Variants in SYT16 observed in about 807,000 individuals in gnomAD.
The protein encoded by SYT16 is synaptotagmin-16.
A neutral mutation model predicts 61.4 loss-of-function variants in SYT16; 42 were observed. That is an observed-to-expected ratio of 0.68 (90% CI 0.53 to 0.89). SYT16 has a LOEUF of 0.89. Among genes scored for constraint, SYT16 ranks in the 40% least tolerant of loss-of-function variants. The probability of loss-of-function intolerance (pLI) is 0.00; values close to 1 mark genes in which losing one functional copy is unlikely to be tolerated. For missense variants in SYT16, 804 were observed against 807.3 expected (o/e 1.00, Z 0.05); for synonymous variants, 314 against 302.3 (o/e 1.04, Z -0.40).
In SYT16 at chr14:61,970,594, C is replaced by T. The variant is rs115617423; in HGVS notation, c.-145+283C>T. Among the ~76,000 whole-genome samples, 713 of 152,222 alleles carry T rather than the reference C, an allele frequency of 4.7e-3. 3 individuals are homozygous for T. The highest frequency in any genetic ancestry group is 0.016 in the African/African-American group (673 of 41,536). ...GCGTTTTAGTCTCATGATGTTAGAA[C>T]GATGTTGGCATTTCACTTGTTAGCT... On this transcript the variant is annotated intron_variant, in intron 2 of 7. Transcript: ENST00000683842.
intron 3 of SYT16, among the ~76,000 whole-genome samples, chr14:62,012,145 A>T (rs373459327): frequency 6.6e-6 from 1 of 152,104 alleles, no homozygotes; most frequent in Admixed American, 6.5e-5. Flanking sequence ...GTTTCTATGG[A>T]TTAGGAGTCC....
At chr14:61,888,696 T>G (rs893133659) in intron 1 of SYT16, among the ~76,000 whole-genome samples, 1 of 150,184 alleles carries the variant, frequency 6.7e-6, no homozygotes, top group Non-Finnish European at 1.5e-5. Context: ...AGACACAAAG[T>G]GAGGCATGTG....
intron 3 of SYT16, among the ~76,000 whole-genome samples, chr14:62,032,129 G>C (rs532090635): frequency 3.3e-5 from 5 of 152,224 alleles, no homozygotes; most frequent in Non-Finnish European, 5.9e-5. Flanking sequence ...CCAGTAAGTT[G>C]AGTGAAAAGA....
At chr14:61,825,723 A>G (rs1263616708) in intron 1 of SYT16, among the ~76,000 whole-genome samples, 2 of 152,182 alleles carry the variant, frequency 1.3e-5, no homozygotes, top group Non-Finnish European at 2.9e-5. Flanking sequence ...CTAAGTTTCT[A>G]TGGTGTATTT....
At chr14:62,019,368 G>A (rs184913397) in intron 3 of SYT16, among the ~76,000 whole-genome samples, 75 of 152,262 alleles carry the variant, frequency 4.9e-4, no homozygotes, top group African/African-American at 1.8e-3. Flanking sequence ...ATCACAGTGA[G>A]CGTGTGTGTG....
intron 6 of SYT16, 115 bp from the exon 7 acceptor site, chr14:62,084,081 T>C: frequency 7.7e-7 from 1 of 1,292,622 alleles, no homozygotes; most frequent in Non-Finnish European, 1.1e-6. Context: ...CCCTTAGTCA[T>C]CTTTGGCAGT....
chr14:62,011,926 C>CATATATATATATATATATATAT lies in SYT16; in HGVS notation c.523+15400_523+15401insATATATATATATATATATATAT, dbSNP rs142408466. Among the ~76,000 whole-genome samples, 368 of 132,716 alleles carry CATATATATATATATATATATAT rather than the reference C, an allele frequency of 2.8e-3. 2 individuals carry two copies. The highest frequency in any genetic ancestry group is 6.9e-3 in the African/African-American group (204 of 29,514). 87.1% of individuals were successfully genotyped at this position (132,716 alleles called of 152,430 possible). ...ACACATATATATACACACACACACA[C>CATATATATATATATATATATAT]ATATATATATATATATTTGATGCTG... On this transcript the variant is annotated intron_variant, in intron 3 of 7. Transcript: ENST00000683842.
At chr14:62,077,960 A>C (rs2056555414) in intron 5 of SYT16, among the ~76,000 whole-genome samples, 1 of 152,098 alleles carries the variant, frequency 6.6e-6, no homozygotes, top group African/African-American at 2.4e-5. Flanking sequence ...TCATTCACTA[A>C]AATATTTTTA....
At chr14:62,010,666 A>G (rs1052496093) in intron 3 of SYT16, among the ~76,000 whole-genome samples, 1 of 152,104 alleles carries the variant, frequency 6.6e-6, no homozygotes, top group African/African-American at 2.4e-5. Flanking sequence ...CACAGGAGAC[A>G]TTGCTGTTCA....
chr14:62,072,667 T>A (rs773380984), intron 4 of SYT16, among the ~76,000 whole-genome samples: 19 of 152,204 alleles, frequency 1.2e-4, no homozygotes, highest in Non-Finnish European at 2.2e-4. Flanking sequence ...ATAAAATACC[T>A]TCGCAGCAAT....
Position 61,861,532 on chromosome 14 carries a change from G to A in SYT16, c.-325+48722G>A, listed in dbSNP as rs564184277. On this transcript the variant is annotated intron_variant, in intron 1 of 7. Coordinates refer to ENST00000683842, the MANE Select transcript of SYT16 (RefSeq NM_001367656.1). ...TCAGGCTCTTGCTTCAGCCCCCCAC[G>A]TAGCTGGGACCACAGGCACGTGCCA... is the stretch of plus-strand genomic sequence containing the variant. 6.5e-4 allele frequency among the ~76,000 whole-genome samples: 99 copies of A among 152,188 alleles called. 1 individual carries two copies. The highest frequency in any genetic ancestry group is 2.3e-3 in the African/African-American group (95 of 41,526).
intron 1 of SYT16, among the ~76,000 whole-genome samples, chr14:61,848,595 C>G (rs767573639): frequency 1.3e-5 from 2 of 152,174 alleles, no homozygotes; most frequent in African/African-American, 4.8e-5. Context: ...TATGTTTGCT[C>G]AAGAACCTTG....
At chr14:61,868,238 T>C (rs2047222522) in intron 1 of SYT16, among the ~76,000 whole-genome samples, 1 of 151,964 alleles carries the variant, frequency 6.6e-6, no homozygotes, top group African/African-American at 2.4e-5. Context: ...CTTTTTTTAA[T>C]CTTAATCAGT....
intron 3 of SYT16, among the ~76,000 whole-genome samples, chr14:62,009,079 G>T (rs1391300231): frequency 6.6e-6 from 1 of 152,114 alleles, no homozygotes; most frequent in African/African-American, 2.4e-5. Context: ...ATCTTTAGAT[G>T]GTTCATATTG....
intron 1 of SYT16, among the ~76,000 whole-genome samples, chr14:61,896,472 A>G (rs1032107158): frequency 1.2e-4 from 19 of 152,194 alleles, no homozygotes; most frequent in Non-Finnish European, 2.2e-4. Context: ...GGACTAGTTG[A>G]AGGCTCAAGT....
chr14:61,906,787 G>GTCCGTCCATCCATCCA (rs375002498), intron 1 of SYT16, among the ~76,000 whole-genome samples: 3,050 of 142,362 alleles, frequency 0.021, 41 homozygotes, highest in Admixed American at 0.045. Flanking sequence ...CCGTCCGTCC[G>GTCCGTCCATCCATCCA]TCCATCCATC....
At chr14:62,039,121 C>T (rs1260225422) in intron 3 of SYT16, among the ~76,000 whole-genome samples, 2 of 152,102 alleles carry the variant, frequency 1.3e-5, no homozygotes, top group African/African-American at 4.8e-5. Context: ...TTCACTCCTC[C>T]TCTTCTTCAG....
intron 3 of SYT16, among the ~76,000 whole-genome samples, chr14:62,019,359 T>A (rs1358488789): frequency 6.6e-6 from 1 of 152,214 alleles, no homozygotes; most frequent in Non-Finnish European, 1.5e-5. Flanking sequence ...TTTTAACTTA[T>A]CACAGTGAGC....
At chr14:61,973,833 G>T (rs189603287) in intron 2 of SYT16, among the ~76,000 whole-genome samples, 56 of 152,258 alleles carry the variant, frequency 3.7e-4, no homozygotes, top group Admixed American at 3.7e-3. Flanking sequence ...TCTGGAAAGG[G>T]CAGACCATAA....
Sources: gnomAD v4.1 joint callset for allele counts (sites outside exome capture counted in the v4.1 genomes callset) on GRCh38, gnomAD v4.1.1 for gene constraint, MANE v1.5 for transcripts, NCBI Gene and HGNC (gene_info 2026-07-23, HGNC 2026-07-21) for gene names.